The following GLP2R variants were observed in gnomAD, a reference collection of about 807,000 sequenced individuals.
The protein encoded by GLP2R is glucagon like peptide 2 receptor.
Under a neutral mutation model 68.2 loss-of-function variants are expected in GLP2R, and 59 were observed. The observed-to-expected ratio is 0.87, with a 90% CI of 0.70 to 1.07. GLP2R has a LOEUF of 1.07. GLP2R is among the 50% of genes least tolerant of loss of function. GLP2R has a pLI of 0.00. For synonymous variants in GLP2R, 270 were observed against 265.4 expected (o/e 1.02, Z -0.17); for missense variants, 548 against 677.4 (o/e 0.81, Z 2.12).
intron 5 of GLP2R, 34 bp downstream of exon 5, chr17:9,854,635 A>G (rs2066919928): frequency 8.4e-7 from 1 of 1,194,904 alleles, no homozygotes; most frequent in East Asian, 2.3e-5. Context: ...GTGTTCGGGC[A>G]GGTATAGTAG....
At chr17:9,867,614 G>C (rs985853881) in intron 9 of GLP2R, among the ~76,000 whole-genome samples, 2 of 152,148 alleles carry the variant, frequency 1.3e-5, no homozygotes, top group Non-Finnish European at 2.9e-5. Context: ...GCCCTCAGTA[G>C]AATATTGGTA....
intron 4 of GLP2R, among the ~76,000 whole-genome samples, chr17:9,852,576 G>T (rs1228701888): frequency 2.0e-5 from 3 of 152,062 alleles, no homozygotes; most frequent in African/African-American, 7.2e-5. Context: ...GTAAGCAAAA[G>T]AAAAGAATTA....
At chr17:9,872,984 C>A (rs6503258) in intron 10 of GLP2R, among the ~76,000 whole-genome samples, 1 of 152,056 alleles carries the variant, frequency 6.6e-6, no homozygotes, top group Non-Finnish European at 1.5e-5. Context: ...CCTGGGGAGC[C>A]GGCCTGGCCT....
intron 10 of GLP2R, among the ~76,000 whole-genome samples, chr17:9,877,362 G>T (rs982242557): frequency 1.3e-5 from 2 of 152,184 alleles, no homozygotes; most frequent in Non-Finnish European, 1.5e-5. Context: ...AGAATAAGGT[G>T]AAGGGTAGAC....
In GLP2R at chr17:9,880,422, A is replaced by T; in HGVS notation, c.1190A>T (p.His397Leu). 1 of 1,602,682 alleles carries T rather than the reference A, an allele frequency of 6.2e-7. No individual in the cohort carries two copies. Among genetic ancestry groups the T allele is most frequent in the Non-Finnish European group, 8.5e-7 (1 of 1,171,248 alleles). ...TLVLIPLLGV[H>L]EILFSFITDD... ...GTCCTCATTCCTTTATTGGGCGTTC[A>T]TGAGATCCTCTTCTCTTTCATCACT... The change falls in exon 11 of 13, where the codon CAT becomes CTT. Residue 397 changes from histidine (H) to leucine (L), a missense_variant. Physicochemically the swap from His to Leu is moderately conservative, Grantham distance 99 (BLOSUM62 -3). Coordinates refer to ENST00000262441, the MANE Select transcript of GLP2R (RefSeq NM_004246.3).
chr17:9,829,703 AAAAAG>A (rs1435594750), intron 1 of GLP2R, among the ~76,000 whole-genome samples: 1 of 152,350 alleles, frequency 6.6e-6, no homozygotes, highest in East Asian at 1.9e-4. Flanking sequence ...AGTCACAATA[AAAAAG>A]AAAAGAAAGA....
chr17:9,858,255 C>T (rs552032325), intron 6 of GLP2R, among the ~76,000 whole-genome samples: 1 of 152,352 alleles, frequency 6.6e-6, no homozygotes, highest in South Asian at 2.1e-4. Flanking sequence ...ACATTGAAAT[C>T]TGCATCTATT....
chr17:9,846,183 T>C (rs1044741119), intron 4 of GLP2R, among the ~76,000 whole-genome samples: 1 of 152,224 alleles, frequency 6.6e-6, no homozygotes, highest in Non-Finnish European at 1.5e-5. Flanking sequence ...GGAAGCTTAA[T>C]ACTAACCTAT....
chr17:9,826,093 TG>T lies in GLP2R; in HGVS notation c.33del (p.Arg12GlufsTer73). MKLGSSRAGP[G>X]RGSAGLLPGV... is the part of the protein sequence containing the mutation. ...AGCTGGGATCGAGCAGGGCAGGGCCTGGGAGAGGAAGCGCGGGACTCCTGCC... is the reference window on the plus strand; with the variant it reads ...AGCTGGGATCGAGCAGGGCAGGGCCTGGAGAGGAAGCGCGGGACTCCTGCC... On this transcript the variant is annotated frameshift_variant, in exon 1 of 13. Transcript: ENST00000262441. LOFTEE classifies it high-confidence loss of function. 1 of 1,612,972 alleles carries T rather than the reference TG, an allele frequency of 6.2e-7. No individual in the cohort carries two copies. Among genetic ancestry groups the T allele is most frequent in the Non-Finnish European group, 8.5e-7 (1 of 1,179,664 alleles).
intron 2 of GLP2R, among the ~76,000 whole-genome samples, chr17:9,836,034 A>G (rs1269868285): frequency 1.9e-5 from 2 of 104,564 alleles, no homozygotes; most frequent in East Asian, 3.5e-4. Flanking sequence ...GTGAGACTCC[A>G]TCTCCAAAAA....
rs561222045 is a variant in GLP2R, at chr17:9,834,096, G to A, written c.277+202G>A. ...ACTCCCATGGCCTCTACACTTGGCC[G>A]GGGCTTCCATACAGCATGATGGTGG... On this transcript the variant is annotated intron_variant, in intron 2 of 12. Transcript: ENST00000262441. Among the ~76,000 whole-genome samples the A allele has an allele frequency of 2.3e-4, 35 of 152,242 alleles. No homozygotes were observed. In the South Asian group the frequency reaches 5.6e-3, roughly 24 times the overall value.
In GLP2R at chr17:9,872,898, C is replaced by T. The variant is rs779109797; in HGVS notation, c.1145+2063C>T. ...GGAGGTCTAGAAGGGTAAACATACC[C>T]GGTTCAATAATGGGCAGACATACTA... On this transcript the variant is annotated intron_variant, in intron 10 of 12. Transcript: ENST00000262441. 5.3e-5 allele frequency among the ~76,000 whole-genome samples: 8 copies of T among 152,202 alleles called. No homozygotes were observed. The East Asian group carries it at 1.2e-3, about 22-fold the overall frequency.
chr17:9,852,175 A>C (rs1472095446), intron 4 of GLP2R, among the ~76,000 whole-genome samples: 1 of 151,818 alleles, frequency 6.6e-6, no homozygotes, highest in Non-Finnish European at 1.5e-5. Flanking sequence ...TCTAGGTTTT[A>C]AGCCCCACAT....
At position 9,842,556 on chromosome 17, in the gene GLP2R, C is replaced by T. The variant is rs771274770; in HGVS notation, c.444C>T (p.Asn148=). 8.7e-6 allele frequency: 14 copies of T among 1,613,856 alleles called. No homozygotes were observed. The highest frequency in any genetic ancestry group is 4.4e-5 in the South Asian group (4 of 91,078). ...AGGGGACTTGGCAGACGATAGAGAA[C>T]GCCACGGATATTTGGCAGGATGACT... ...LAQGTWQTIE[N]ATDIWQDDSE... is the part of the protein sequence containing the mutation. The change falls in exon 4 of 13, where the codon AAC becomes AAT. Residue 148 remains asparagine, a synonymous_variant. Coordinates refer to ENST00000262441, the MANE Select transcript of GLP2R (RefSeq NM_004246.3).
At chr17:9,862,143 A>AT in intron 9 of GLP2R, 53 bp downstream of exon 9, 2 of 1,330,580 alleles carry the variant, frequency 1.5e-6, no homozygotes, top group African/African-American at 2.9e-5. Flanking sequence ...GCTGTGGGGA[A>AT]TCCCCCCGCC....
intron 10 of GLP2R, among the ~76,000 whole-genome samples, chr17:9,876,111 G>C (rs913583541): frequency 6.6e-6 from 1 of 152,058 alleles, no homozygotes; most frequent in Admixed American, 6.6e-5. Context: ...TCCCAACCTC[G>C]GGTGATTCGC....
chr17:9,837,703 A>G (rs896159451), intron 3 of GLP2R, among the ~76,000 whole-genome samples: 2 of 151,302 alleles, frequency 1.3e-5, no homozygotes, highest in African/African-American at 2.5e-5. Flanking sequence ...CAGAAGCCCA[A>G]CCTCTTGGTT....
rs1190572813 is a variant in GLP2R at position 9,889,915 on chromosome 17, C to T, written c.*210C>T. 8 of 639,150 alleles carry T rather than the reference C, an allele frequency of 1.3e-5. No individual in the cohort carries two copies. The East Asian group carries it at 1.6e-4, about 13-fold the overall frequency. 39.6% of individuals were successfully genotyped at this position (639,150 alleles called of 1,614,324 possible). A position where few individuals can be genotyped will look rare whatever the true frequency, so the allele number is the denominator to read the frequency against. On this transcript the variant is annotated 3_prime_UTR_variant, in exon 13 of 13. Coordinates refer to ENST00000262441, the MANE Select transcript of GLP2R (RefSeq NM_004246.3). ...CACAGCCTCTGCCTGCTCTTCTCAT[C>T]CTAATAACCCCCACCAGTGTGTTTT...
chr17:9,892,065 C>T lies in GLP2R; in HGVS notation c.*2360C>T, dbSNP rs933225259. 2 of 152,218 alleles carry T rather than the reference C, an allele frequency of 1.3e-5. No homozygotes were observed. Among genetic ancestry groups the T allele is most frequent in the African/African-American group, 4.8e-5 (2 of 41,450 alleles). 9.4% of individuals were successfully genotyped at this position (152,218 alleles called of 1,614,324 possible). On this transcript the variant is annotated 3_prime_UTR_variant, in exon 13 of 13. Transcript: ENST00000262441. ...GGGTGATCAACACTTACTGCTTGCT[C>T]TTGTTCTGCTAATGATTAAAACAAG... is the stretch of plus-strand genomic sequence containing the variant.
Sources: gnomAD v4.1 joint callset for allele counts (sites outside exome capture counted in the v4.1 genomes callset) on GRCh38, gnomAD v4.1.1 for gene constraint, MANE v1.5 for transcripts, NCBI Gene and HGNC (gene_info 2026-07-23, HGNC 2026-07-21) for gene names.